Variants in FAM135B observed in about 807,000 individuals in gnomAD.
FAM135B encodes family with sequence similarity 135 member B.
A neutral mutation model predicts 127.7 loss-of-function variants in FAM135B; 43 were observed. That is an observed-to-expected ratio of 0.34 (90% CI 0.26 to 0.43). The LOEUF (loss-of-function observed/expected upper bound fraction) is 0.43, where lower values mean the gene tolerates loss of function less well. FAM135B is among the 20% of genes least tolerant of loss of function. The pLI is 1.00. For missense variants in FAM135B, 1,558 were observed against 1,725.6 expected (o/e 0.90, Z 1.72); for synonymous variants, 670 against 665.1 (o/e 1.01, Z -0.11).
chr8:138,405,647 T>C (rs1207873591), intron 1 of FAM135B, among the ~76,000 whole-genome samples: 1 of 152,196 alleles, frequency 6.6e-6, no homozygotes, highest in Non-Finnish European at 1.5e-5. Context: ...AAATCTTTGC[T>C]ATTGTGAATA....
chr8:138,332,836 G>C (rs1828288046), intron 2 of FAM135B, among the ~76,000 whole-genome samples: 1 of 152,116 alleles, frequency 6.6e-6, no homozygotes, highest in Non-Finnish European at 1.5e-5. Flanking sequence ...CTCAACATCT[G>C]TGTGGTGCTT....
At chr8:138,312,145 C>T (rs1228081033) in intron 2 of FAM135B, among the ~76,000 whole-genome samples, 4 of 152,156 alleles carry the variant, frequency 2.6e-5, no homozygotes, top group African/African-American at 7.2e-5. Flanking sequence ...CGGGGTTTCA[C>T]CATGTTGGTC....
chr8:138,268,399 C>T (rs537059165), intron 3 of FAM135B, among the ~76,000 whole-genome samples: 7 of 152,270 alleles, frequency 4.6e-5, no homozygotes, highest in Admixed American at 3.9e-4. Flanking sequence ...TACTGAAAGT[C>T]ACCAAATCCC....
At chr8:138,387,598 C>T (rs2131311625) in intron 1 of FAM135B, among the ~76,000 whole-genome samples, 1 of 152,206 alleles carries the variant, frequency 6.6e-6, no homozygotes, top group South Asian at 2.1e-4. Flanking sequence ...GTTGGGACTC[C>T]TATTTCTTGG....
chr8:138,351,439 C>T (rs1829776309), intron 2 of FAM135B, among the ~76,000 whole-genome samples: 2 of 152,092 alleles, frequency 1.3e-5, no homozygotes, highest in African/African-American at 4.8e-5. Flanking sequence ...TAGTAATGCA[C>T]TGAAAAGCCA....
intron 12 of FAM135B, among the ~76,000 whole-genome samples, chr8:138,167,359 C>T (rs1378308728): frequency 1.3e-5 from 2 of 152,082 alleles, no homozygotes; most frequent in Non-Finnish European, 2.9e-5. Context: ...CCACGCCCAG[C>T]TCATTTTTGT....
intron 1 of FAM135B, among the ~76,000 whole-genome samples, chr8:138,445,806 C>A (rs1172172844): frequency 6.6e-6 from 1 of 152,070 alleles, no homozygotes; most frequent in Non-Finnish European, 1.5e-5. Flanking sequence ...CTGGCCAGGA[C>A]AATCAGGCAG....
At chr8:138,330,469 G>A (rs1828090194) in intron 2 of FAM135B, among the ~76,000 whole-genome samples, 1 of 152,138 alleles carries the variant, frequency 6.6e-6, no homozygotes, top group Non-Finnish European at 1.5e-5. Context: ...AACTTTTCTT[G>A]CTCAAAGGCA....
intron 2 of FAM135B, among the ~76,000 whole-genome samples, chr8:138,338,826 C>T (rs1828817542): frequency 6.6e-6 from 1 of 152,108 alleles, no homozygotes; most frequent in South Asian, 2.1e-4. Context: ...TTTATTGTGG[C>T]ACTACTCACA....
At chr8:138,239,954 A>T (rs1266660309) in intron 7 of FAM135B, among the ~76,000 whole-genome samples, 2 of 142,044 alleles carry the variant, frequency 1.4e-5, no homozygotes, top group Admixed American at 1.4e-4. Context: ...AACAATGAGA[A>T]CACTTGGACA....
intron 3 of FAM135B, among the ~76,000 whole-genome samples, chr8:138,279,532 C>T (rs1445219373): frequency 1.3e-5 from 2 of 152,336 alleles, no homozygotes; most frequent in Non-Finnish European, 2.9e-5. Flanking sequence ...GGCTCTGACT[C>T]AGACTGATCT....
intron 1 of FAM135B, among the ~76,000 whole-genome samples, chr8:138,494,836 T>TA (rs112803082): frequency 0.047 from 4,991 of 105,460 alleles, 213 homozygotes; most frequent in East Asian, 0.24. Flanking sequence ...GTTTATACTG[T>TA]AAAAAAAAAA....
chr8:138,414,240 G>A (rs1834022312), intron 1 of FAM135B, among the ~76,000 whole-genome samples: 1 of 151,426 alleles, frequency 6.6e-6, no homozygotes, highest in Non-Finnish European at 1.5e-5. Flanking sequence ...TATTTTCTAG[G>A]TTGTGACCTG....
At chr8:138,223,460 T>C (rs1051627144) in intron 7 of FAM135B, among the ~76,000 whole-genome samples, 2 of 152,096 alleles carry the variant, frequency 1.3e-5, no homozygotes, top group Non-Finnish European at 1.5e-5. Context: ...GGGTGGGAAG[T>C]AGATTAGGAC....
At chr8:138,424,807 G>T (rs1281845350) in intron 1 of FAM135B, among the ~76,000 whole-genome samples, 1 of 152,136 alleles carries the variant, frequency 6.6e-6, no homozygotes, top group African/African-American at 2.4e-5. Flanking sequence ...ACACTATGAG[G>T]AGTAGGGAAA....
At chr8:138,329,985 A>G (rs1042206872) in intron 2 of FAM135B, among the ~76,000 whole-genome samples, 2 of 152,184 alleles carry the variant, frequency 1.3e-5, no homozygotes, top group African/African-American at 4.8e-5. Context: ...TGAACAGAAC[A>G]TAAGAATGCT....
At chr8:138,353,510 TGA>T (rs1358175582) in intron 2 of FAM135B, among the ~76,000 whole-genome samples, 1 of 152,224 alleles carries the variant, frequency 6.6e-6, no homozygotes, top group Non-Finnish European at 1.5e-5. Flanking sequence ...TAGCTCTAGC[TGA>T]GACTCTTTTG....
chr8:138,133,781 T>A (rs922544616), intron 19 of FAM135B, among the ~76,000 whole-genome samples: 2 of 152,146 alleles, frequency 1.3e-5, no homozygotes, highest in African/African-American at 4.8e-5. Context: ...CCTCCAGTTA[T>A]CAGCAGGGGA....
chr8:138,290,108 TG>T (rs1314216684), intron 3 of FAM135B, among the ~76,000 whole-genome samples: 1 of 152,122 alleles, frequency 6.6e-6, no homozygotes. Context: ...GAGCTTTGCA[TG>T]GGGGGTCCAC....
Sources: gnomAD v4.1 joint callset for allele counts (sites outside exome capture counted in the v4.1 genomes callset) on GRCh38, gnomAD v4.1.1 for gene constraint, MANE v1.5 for transcripts, NCBI Gene and HGNC (gene_info 2026-07-23, HGNC 2026-07-21) for gene names.